RGS6: variants seen among roughly 807,000 people sequenced by gnomAD.
RGS6 encodes the protein regulator of G protein signaling 6, also known as regulator of G-protein signaling 6.
Under a neutral mutation model 78.5 loss-of-function variants are expected in RGS6, and 30 were observed. That is an observed-to-expected ratio of 0.38 (90% CI 0.29 to 0.52). The LOEUF is 0.52. Among genes scored for constraint, RGS6 ranks in the 20% least tolerant of loss-of-function variants. The pLI is 0.85. For synonymous variants in RGS6, 206 were observed against 206.0 expected (o/e 1.00, Z 0.00); for missense variants, 495 against 609.7 (o/e 0.81, Z 1.98).
At chr14:71,943,425 A>G (rs527986176) in intron 1 of RGS6, among the ~76,000 whole-genome samples, 2 of 152,286 alleles carry the variant, frequency 1.3e-5, no homozygotes, top group Admixed American at 1.3e-4. Flanking sequence ...TCTGTTGAGA[A>G]ATAAGTGTTT....
intron 2 of RGS6, among the ~76,000 whole-genome samples, chr14:72,087,962 A>G (rs1297469487): frequency 1.3e-5 from 2 of 152,150 alleles, no homozygotes; most frequent in Admixed American, 1.3e-4. Context: ...TTAGAGGGCA[A>G]CAGATCTCTC....
the RGS6 span, among the ~76,000 whole-genome samples, chr14:71,925,464 A>G: frequency 6.6e-6 from 1 of 152,106 alleles, no homozygotes; most frequent in Non-Finnish European, 1.5e-5. Flanking sequence ...ATAACATCCA[A>G]CAAACTTATC....
chr14:71,882,146 C>T, the RGS6 span, among the ~76,000 whole-genome samples: 4 of 152,196 alleles, frequency 2.6e-5, no homozygotes, highest in Admixed American at 2.6e-4. Flanking sequence ...TATTTTCTGT[C>T]TCTATGAATT....
the RGS6 span, among the ~76,000 whole-genome samples, chr14:71,885,322 TA>T: frequency 1.3e-5 from 2 of 152,232 alleles, no homozygotes; most frequent in African/African-American, 4.8e-5. Context: ...ATAGCCAAGT[TA>T]AAAACATTTT....
At chr14:71,971,915 T>G (rs868338545) in intron 2 of RGS6, among the ~76,000 whole-genome samples, 16,608 of 139,418 alleles carry the variant, frequency 0.12, 1,076 homozygotes, top group Non-Finnish European at 0.17. Context: ...GGTTTTTTTT[T>G]TTTTTTTTTT....
chr14:72,423,950 A>G (rs988666364), intron 3 of RGS6, among the ~76,000 whole-genome samples: 2 of 152,324 alleles, frequency 1.3e-5, no homozygotes, highest in African/African-American at 4.8e-5. Context: ...TCATTCATTC[A>G]GTGCCTGGCT....
chr14:72,594,857 C>T, the RGS6 span: 1 of 152,168 alleles, frequency 6.6e-6, no homozygotes, highest in Admixed American at 6.5e-5. Context: ...GACACCATCA[C>T]AGGGTGACTT....
At chr14:72,132,697 T>G (rs1167745575) in intron 2 of RGS6, among the ~76,000 whole-genome samples, 1 of 152,162 alleles carries the variant, frequency 6.6e-6, no homozygotes, top group Admixed American at 6.5e-5. Context: ...ATTTTGAAGT[T>G]ACTTGACTCT....
rs1206873579 is a variant in RGS6 at position 72,563,023 on chromosome 14, C to G, written c.*556C>G. On this transcript the variant is annotated 3_prime_UTR_variant, in exon 18 of 18. Coordinates refer to ENST00000553525, the MANE Select transcript of RGS6 (RefSeq NM_001204424.2). ...CTGCCAGCACCAGGCACTGCTTTCA[C>G]GTAAAATGTCCAAATCACATCTTCA... 1.9e-6 allele frequency: 1 copy of G among 536,788 alleles called. No individual in the cohort carries two copies. The highest frequency in any genetic ancestry group is 2.2e-5 in the South Asian group (1 of 46,022). The allele number at this position is 536,788 out of a possible 1,614,324, so 33.3% of individuals were successfully genotyped here.
intron 3 of RGS6, among the ~76,000 whole-genome samples, chr14:72,417,730 TTGTTCTGGG>T (rs2093925121): frequency 6.6e-6 from 1 of 152,082 alleles, no homozygotes; most frequent in Non-Finnish European, 1.5e-5. Flanking sequence ...CCTCACGGAG[TTGTTCTGGG>T]GCTTAAATGA....
the RGS6 span, among the ~76,000 whole-genome samples, chr14:71,883,049 A>G: frequency 6.6e-6 from 1 of 152,300 alleles, no homozygotes; most frequent in East Asian, 1.9e-4. Flanking sequence ...TTCCTTTTTC[A>G]GGGGCATTTA....
chr14:72,021,386 A>T (rs2088456114), intron 2 of RGS6, among the ~76,000 whole-genome samples: 1 of 150,460 alleles, frequency 6.6e-6, no homozygotes, highest in African/African-American at 2.5e-5. Flanking sequence ...TTGAGTGCTT[A>T]CTCCATACCA....
At chr14:72,442,908 G>A (rs1566859480) in intron 3 of RGS6, among the ~76,000 whole-genome samples, 3 of 152,184 alleles carry the variant, frequency 2.0e-5, no homozygotes, top group Non-Finnish European at 4.4e-5. Context: ...AATTGATCTG[G>A]GAGTAGATCC....
chr14:72,380,021 A>G (rs1346293944), intron 3 of RGS6, among the ~76,000 whole-genome samples: 1 of 152,070 alleles, frequency 6.6e-6, no homozygotes. Flanking sequence ...ACATATCTAT[A>G]GCCAACTGAT....
chr14:72,417,547 A>T (rs1341018894), intron 3 of RGS6, among the ~76,000 whole-genome samples: 1 of 151,968 alleles, frequency 6.6e-6, no homozygotes, highest in Non-Finnish European at 1.5e-5. Context: ...ACCCTCTGGC[A>T]CTCTCTATTG....
chr14:72,120,267 A>G (rs56330760), intron 2 of RGS6, among the ~76,000 whole-genome samples: 2,184 of 152,288 alleles, frequency 0.014, 64 homozygotes, highest in African/African-American at 0.05. Flanking sequence ...TAGTTTCCAA[A>G]TATTGTTTTA....
intron 17 of RGS6, among the ~76,000 whole-genome samples, chr14:72,546,689 C>T (rs2097409616): frequency 6.6e-6 from 1 of 152,206 alleles, no homozygotes; most frequent in Admixed American, 6.5e-5. Flanking sequence ...CCCGCCCAGG[C>T]CCTCTCCTGC....
intron 2 of RGS6, among the ~76,000 whole-genome samples, chr14:72,300,981 G>A (rs78405428): frequency 0.024 from 3,681 of 152,274 alleles, 80 homozygotes; most frequent in South Asian, 0.09. Flanking sequence ...GTTGTAGTTC[G>A]CAGAACTTTA....
At chr14:72,040,811 A>C (rs545939238) in intron 2 of RGS6, among the ~76,000 whole-genome samples, 89 of 152,208 alleles carry the variant, frequency 5.8e-4, no homozygotes, top group African/African-American at 2.1e-3. Flanking sequence ...CCTATCTTCA[A>C]ATTCATTGAT....
Sources: gnomAD v4.1 joint callset for allele counts (sites outside exome capture counted in the v4.1 genomes callset) on GRCh38, gnomAD v4.1.1 for gene constraint, MANE v1.5 for transcripts, NCBI Gene and HGNC (gene_info 2026-07-23, HGNC 2026-07-21) for gene names.